The following GPC5 variants were observed in gnomAD, a reference collection of about 807,000 sequenced individuals.
The protein encoded by GPC5 is glypican-5.
GPC5 carries 47 observed loss-of-function variants against 53.9 expected under a neutral mutation model. The ratio of observed to expected loss-of-function variants is 0.87; its 90% CI spans 0.69 to 1.11. GPC5 has a LOEUF of 1.11. Among genes scored for constraint, GPC5 ranks in the 50% most tolerant of loss-of-function variants. GPC5 has a pLI of 0.00. For missense variants in GPC5, 748 were observed against 713.1 expected (o/e 1.05, Z -0.56); for synonymous variants, 286 against 263.3 (o/e 1.09, Z -0.84).
chr13:91,616,966 AT>A (rs2033713159), intron 2 of GPC5, among the ~76,000 whole-genome samples: 1 of 152,076 alleles, frequency 6.6e-6, no homozygotes, highest in East Asian at 1.9e-4. Flanking sequence ...GGGTGTTCAA[AT>A]TTCTACTTAA....
chr13:91,861,718 A>T (rs1175794878), intron 5 of GPC5, among the ~76,000 whole-genome samples: 1 of 147,958 alleles, frequency 6.8e-6, no homozygotes, highest in Non-Finnish European at 1.5e-5. Flanking sequence ...TAAATAAAAC[A>T]TGTTGCTACT....
At chr13:92,525,324 A>G (rs1452424169) in intron 7 of GPC5, among the ~76,000 whole-genome samples, 4 of 152,082 alleles carry the variant, frequency 2.6e-5, no homozygotes, top group African/African-American at 9.7e-5. Flanking sequence ...GATTCAGAGA[A>G]GAAAAATATC....
chr13:91,724,388 G>A (rs371728048), intron 3 of GPC5, among the ~76,000 whole-genome samples: 6 of 151,946 alleles, frequency 3.9e-5, no homozygotes, highest in African/African-American at 1.5e-4. Context: ...ACTGTGAAGT[G>A]AGCCTGTGCC....
intron 7 of GPC5, among the ~76,000 whole-genome samples, chr13:92,394,616 T>C (rs1875176452): frequency 1.3e-5 from 2 of 152,182 alleles, no homozygotes; most frequent in South Asian, 4.1e-4. Flanking sequence ...CCACCCAGTC[T>C]ATGGTACCTG....
chr13:91,683,502 C>A (rs986812997), intron 2 of GPC5, among the ~76,000 whole-genome samples: 1 of 152,178 alleles, frequency 6.6e-6, no homozygotes. Flanking sequence ...TGCTCCTATG[C>A]TCCCCTGGCA....
intron 6 of GPC5, among the ~76,000 whole-genome samples, chr13:92,052,004 T>G (rs904671018): frequency 6.6e-6 from 1 of 152,200 alleles, no homozygotes; most frequent in Admixed American, 6.5e-5. Context: ...TTGAAATATA[T>G]TCCCTGAGGG....
At chr13:92,812,849 G>T (rs9589629) in intron 7 of GPC5, among the ~76,000 whole-genome samples, 3,723 of 151,832 alleles carry the variant, frequency 0.025, 170 homozygotes, top group African/African-American at 0.084. Flanking sequence ...ATTTTTATTT[G>T]TATGCAAGAC....
At chr13:91,650,791 C>A (rs2034689115) in intron 2 of GPC5, among the ~76,000 whole-genome samples, 2 of 109,892 alleles carry the variant, frequency 1.8e-5, no homozygotes, top group Non-Finnish European at 3.6e-5. Context: ...AGGCTAAAAA[C>A]CATTTGTTCT....
chr13:92,102,408 A>G (rs1435767977), intron 6 of GPC5, among the ~76,000 whole-genome samples: 1 of 152,152 alleles, frequency 6.6e-6, no homozygotes, highest in Non-Finnish European at 1.5e-5. Context: ...GACGACCAAG[A>G]AGAAAATTGA....
intron 1 of GPC5, among the ~76,000 whole-genome samples, chr13:91,433,444 T>C (rs1395705169): frequency 6.8e-6 from 1 of 147,986 alleles, no homozygotes; most frequent in Non-Finnish European, 1.5e-5. Flanking sequence ...AGTGAGAACA[T>C]GTGGTGGTTG....
At chr13:91,734,974 C>G (rs1468541347) in intron 4 of GPC5, among the ~76,000 whole-genome samples, 1 of 149,662 alleles carries the variant, frequency 6.7e-6, no homozygotes, top group Non-Finnish European at 1.5e-5. Flanking sequence ...GGTAGAAGTT[C>G]CTTTTTATAT....
intron 7 of GPC5, among the ~76,000 whole-genome samples, chr13:92,618,354 G>A (rs2139110362): frequency 6.6e-6 from 1 of 152,090 alleles, no homozygotes; most frequent in East Asian, 1.9e-4. Context: ...GTAGTATTTA[G>A]GTTAATTTGA....
At chr13:92,580,385 T>C (rs1883332734) in intron 7 of GPC5, among the ~76,000 whole-genome samples, 1 of 152,134 alleles carries the variant, frequency 6.6e-6, no homozygotes, top group African/African-American at 2.4e-5. Context: ...ATTTGTGTCA[T>C]CAGAAAAAGT....
At chr13:92,636,722 C>T (rs1390326250) in intron 7 of GPC5, among the ~76,000 whole-genome samples, 3 of 152,110 alleles carry the variant, frequency 2.0e-5, no homozygotes, top group Admixed American at 6.5e-5. Flanking sequence ...CTTATTTATC[C>T]TTCACTTCCA....
At chr13:92,023,123 G>A (rs2040772610) in intron 6 of GPC5, among the ~76,000 whole-genome samples, 1 of 152,040 alleles carries the variant, frequency 6.6e-6, no homozygotes. Context: ...AGTGATGACA[G>A]TGTTAAGTTT....
At chr13:92,421,249 C>T (rs1052043164) in intron 7 of GPC5, among the ~76,000 whole-genome samples, 32 of 152,136 alleles carry the variant, frequency 2.1e-4, no homozygotes, top group Non-Finnish European at 3.7e-4. Flanking sequence ...CAAAATGTAC[C>T]TCTTGCTCCT....
rs764715649 is a variant in GPC5 at position 91,693,172 on chromosome 13, C to G, written c.326-15C>G. On this transcript the variant is annotated splice_polypyrimidine_tract_variant and intron_variant, in intron 2 of 7. Transcript: ENST00000377067. ...TACTAAACCTTCTCATGTTTTACCT[C>G]TGCTTGTGTTACAGAAACCCTTGAA... 1.3e-6 allele frequency: 2 copies of G among 1,590,560 alleles called. No homozygotes were observed. Among genetic ancestry groups the G allele is most frequent in the African/African-American group, 2.7e-5 (2 of 74,124 alleles).
intron 7 of GPC5, among the ~76,000 whole-genome samples, chr13:92,625,512 T>C (rs976966157): frequency 1.9e-4 from 29 of 152,178 alleles, no homozygotes; most frequent in Admixed American, 2.0e-4. Context: ...AGGTCAAAGA[T>C]AGAAACTTTG....
chr13:92,294,835 T>G (rs1000230278), intron 7 of GPC5, among the ~76,000 whole-genome samples: 3 of 145,666 alleles, frequency 2.1e-5, no homozygotes, highest in Admixed American at 6.8e-5. Flanking sequence ...TCTTTTTTTT[T>G]TTTTTTTTTC....
Sources: allele counts gnomAD v4.1 joint callset (sites outside exome capture counted in the v4.1 genomes callset), GRCh38; gene constraint gnomAD v4.1.1; transcripts MANE v1.5; gene names NCBI Gene and HGNC (gene_info 2026-07-23, HGNC 2026-07-21).